The following RBFOX1 variants were observed in gnomAD, a reference collection of about 807,000 sequenced individuals.
RBFOX1 encodes the protein RNA binding protein fox-1 homolog 1.
A neutral mutation model predicts 57.7 loss-of-function variants in RBFOX1; 8 were observed. That is an observed-to-expected ratio of 0.14 (90% CI 0.08 to 0.25). The LOEUF is 0.25. Among genes scored for constraint, RBFOX1 ranks in the 10% least tolerant of loss-of-function variants. The pLI is 1.00. For missense variants in RBFOX1, 611 were observed against 548.5 expected (o/e 1.11, Z -1.14); for synonymous variants, 326 against 222.4 (o/e 1.47, Z -4.15).
At chr16:6,587,614 C>G (rs2097648277) in intron 2 of RBFOX1, among the ~76,000 whole-genome samples, 1 of 151,992 alleles carries the variant, frequency 6.6e-6, no homozygotes, top group African/African-American at 2.4e-5. Flanking sequence ...CATCTTAATG[C>G]TAGAAGAAGC....
chr16:6,992,893 A>C (rs1403859334), intron 3 of RBFOX1, among the ~76,000 whole-genome samples: 2 of 151,044 alleles, frequency 1.3e-5, no homozygotes, highest in South Asian at 2.1e-4. Flanking sequence ...CCCACCGCCC[A>C]AGCACGGTGT....
intron 2 of RBFOX1, among the ~76,000 whole-genome samples, chr16:6,635,121 A>G (rs923116923): frequency 6.8e-6 from 1 of 146,598 alleles, no homozygotes; most frequent in African/African-American, 2.5e-5. Flanking sequence ...ATATGTAAGT[A>G]TACATTATGT....
At chr16:7,043,479 C>T (rs2046862659) in intron 3 of RBFOX1, among the ~76,000 whole-genome samples, 1 of 152,158 alleles carries the variant, frequency 6.6e-6, no homozygotes, top group African/African-American at 2.4e-5. Flanking sequence ...CCAGGGCTCA[C>T]CCTAGGTACT....
chr16:6,983,937 C>T (rs1568220265), intron 3 of RBFOX1, among the ~76,000 whole-genome samples: 1 of 152,160 alleles, frequency 6.6e-6, no homozygotes, highest in Non-Finnish European at 1.5e-5. Flanking sequence ...ACAGTCTCTG[C>T]AGTTTACTAA....
intron 2 of RBFOX1, among the ~76,000 whole-genome samples, chr16:6,343,418 T>C (rs561419860): frequency 5.4e-4 from 82 of 152,348 alleles, no homozygotes; most frequent in African/African-American, 1.9e-3. Flanking sequence ...AGGAAGATAG[T>C]CTTCAGGGAA....
At chr16:6,010,546 C>G (rs1046306952) in intron 4 of RBFOX1, among the ~76,000 whole-genome samples, 1 of 152,212 alleles carries the variant, frequency 6.6e-6, no homozygotes, top group Non-Finnish European at 1.5e-5. Context: ...CAGTTCACTA[C>G]TGACATTCAA....
chr16:7,065,072 G>T (rs1236089651), intron 4 of RBFOX1, among the ~76,000 whole-genome samples: 1 of 152,198 alleles, frequency 6.6e-6, no homozygotes, highest in Non-Finnish European at 1.5e-5. Context: ...GTGAGTCACA[G>T]CGTGTTACTT....
intron 2 of RBFOX1, among the ~76,000 whole-genome samples, chr16:6,408,288 TA>T (rs2093352926): frequency 6.6e-6 from 1 of 152,144 alleles, no homozygotes; most frequent in Admixed American, 6.5e-5. Context: ...AATAAAAAGT[TA>T]AAAAGGCCCT....
intron 1 of RBFOX1, among the ~76,000 whole-genome samples, chr16:6,086,257 G>A (rs1286499271): frequency 2.0e-5 from 3 of 152,110 alleles, no homozygotes; most frequent in African/African-American, 4.8e-5. Flanking sequence ...GTGAGTTGTT[G>A]GAAGGGAACC....
chr16:6,176,825 G>A (rs2097014672), intron 1 of RBFOX1, among the ~76,000 whole-genome samples: 1 of 152,060 alleles, frequency 6.6e-6, no homozygotes, highest in Non-Finnish European at 1.5e-5. Context: ...TGTCCTTACT[G>A]GGGGAGTGCT....
At chr16:6,270,866 A>T (rs755516442) in intron 1 of RBFOX1, among the ~76,000 whole-genome samples, 4 of 152,240 alleles carry the variant, frequency 2.6e-5, no homozygotes, top group Non-Finnish European at 4.4e-5. Flanking sequence ...AATGGAATTG[A>T]GTTATAAATT....
At chr16:5,554,169 C>T (rs1412554295) in intron 2 of RBFOX1, among the ~76,000 whole-genome samples, 1 of 151,952 alleles carries the variant, frequency 6.6e-6, no homozygotes, top group Admixed American at 6.6e-5. Context: ...TGAGGTTTTA[C>T]CGTGTTGGCC....
chr16:6,673,609 A>G (rs1372068556), intron 3 of RBFOX1, among the ~76,000 whole-genome samples: 1 of 152,118 alleles, frequency 6.6e-6, no homozygotes, highest in East Asian at 1.9e-4. Flanking sequence ...ATGTCAAAAA[A>G]ATATATAGAT....
intron 3 of RBFOX1, among the ~76,000 whole-genome samples, chr16:5,739,241 A>T (rs1011358058): frequency 6.6e-6 from 1 of 152,248 alleles, no homozygotes; most frequent in African/African-American, 2.4e-5. Flanking sequence ...TTGAGGGGGA[A>T]CTTGGCGTCC....
intron 4 of RBFOX1, among the ~76,000 whole-genome samples, chr16:5,991,679 G>A (rs1306796431): frequency 1.4e-5 from 2 of 140,894 alleles, no homozygotes; most frequent in African/African-American, 5.3e-5. Context: ...TTTTTTGGAA[G>A]TTCTATAACT....
At chr16:5,673,208 T>G (rs929103414) in intron 3 of RBFOX1, among the ~76,000 whole-genome samples, 1 of 152,078 alleles carries the variant, frequency 6.6e-6, no homozygotes, top group Non-Finnish European at 1.5e-5. Context: ...GAGCTCATTA[T>G]TCAAGTAGAA....
At chr16:6,217,632 T>C (rs1344487465) in intron 1 of RBFOX1, among the ~76,000 whole-genome samples, 1 of 152,218 alleles carries the variant, frequency 6.6e-6, no homozygotes, top group Non-Finnish European at 1.5e-5. Flanking sequence ...GTTGACGGGC[T>C]GAGTAACCTG....
intron 1 of RBFOX1, among the ~76,000 whole-genome samples, chr16:5,305,372 C>G (rs2063907790): frequency 6.6e-6 from 1 of 152,072 alleles, no homozygotes; most frequent in Non-Finnish European, 1.5e-5. Context: ...TGCTTTCTGT[C>G]TTCTGCTGGG....
chr16:7,078,816 G>T (rs112582687), intron 4 of RBFOX1, among the ~76,000 whole-genome samples: 2 of 141,364 alleles, frequency 1.4e-5, no homozygotes, highest in African/African-American at 5.1e-5. Flanking sequence ...CCGAGTAGCT[G>T]GGATTAGAGT....
Sources: allele counts gnomAD v4.1 joint callset (sites outside exome capture counted in the v4.1 genomes callset), GRCh38; gene constraint gnomAD v4.1.1; transcripts MANE v1.5; gene names NCBI Gene and HGNC (gene_info 2026-07-23, HGNC 2026-07-21).